Variants in KCTD20 observed in about 807,000 individuals in gnomAD.
The protein encoded by KCTD20 is potassium channel tetramerization domain containing 20.
KCTD20 carries 30 observed loss-of-function variants against 39.6 expected under a neutral mutation model. The ratio of observed to expected loss-of-function variants is 0.76; its 90% confidence interval spans 0.57 to 1.03. The LOEUF is 1.03. KCTD20 is among the 50% of genes least tolerant of loss of function. The probability of loss-of-function intolerance (pLI) is 0.00; values close to 1 mark genes in which losing one functional copy is unlikely to be tolerated. For synonymous variants in KCTD20, 162 were observed against 180.6 expected (o/e 0.90, Z 0.83); for missense variants, 422 against 522.0 (o/e 0.81, Z 1.87).
Position 36,484,889 on chromosome 6 carries a change from C to G in KCTD20, c.967+65C>G, listed in dbSNP as rs990869033. 5 of 905,116 alleles carry G rather than the reference C, an allele frequency of 5.5e-6. No homozygotes were observed. The African/African-American group carries it at 8.4e-5, about 15-fold the overall frequency. 56.1% of individuals were successfully genotyped at this position (905,116 alleles called of 1,614,324 possible). On this transcript the variant is annotated intron_variant, in intron 7 of 7. Coordinates refer to ENST00000373731, the MANE Select transcript of KCTD20 (RefSeq NM_173562.5). ...GGTCTATTGCCACAGCTTACATCCT[C>G]AAAATTTAGCCTCCAGAGGCCTAGA... is the stretch of plus-strand genomic sequence containing the variant.
chr6:36,455,395 A>G (rs1429706600), intron 1 of KCTD20, among the ~76,000 whole-genome samples: 1 of 152,168 alleles, frequency 6.6e-6, no homozygotes, highest in African/African-American at 2.4e-5. Flanking sequence ...GCGACAGAGC[A>G]AGACTCCGTC....
At chr6:36,450,022 G>C (rs1257055856) in intron 1 of KCTD20, among the ~76,000 whole-genome samples, 2 of 151,968 alleles carry the variant, frequency 1.3e-5, no homozygotes, top group African/African-American at 4.8e-5. Flanking sequence ...AAATTAGCTG[G>C]GCGTGGTTGC....
chr6:36,456,603 T>A (rs1004776259), intron 1 of KCTD20, among the ~76,000 whole-genome samples: 1 of 140,092 alleles, frequency 7.1e-6, no homozygotes, highest in African/African-American at 2.7e-5. Flanking sequence ...TTTTTTTTTT[T>A]AAGAGCTGGG....
chr6:36,491,019 C>CA lies in KCTD20; in HGVS notation c.*3848dup, dbSNP rs991439749. On this transcript the variant is annotated 3_prime_UTR_variant, in exon 8 of 8. Coordinates refer to ENST00000373731, the MANE Select transcript of KCTD20 (RefSeq NM_173562.5). ...AGAACATTACATTTTCTTCTGAAGG[C>CA]AAAATGCTTGTAGGTTTTGCCTCTA... The CA allele has an allele frequency of 6.6e-6, 1 of 152,156 alleles. No individual in the cohort carries two copies. The highest frequency in any genetic ancestry group is 1.5e-5 in the Non-Finnish European group (1 of 68,030). 9.4% of individuals were successfully genotyped at this position (152,156 alleles called of 1,614,324 possible).
intron 1 of KCTD20, among the ~76,000 whole-genome samples, chr6:36,448,708 G>A (rs1430836851): frequency 6.6e-6 from 1 of 152,160 alleles, no homozygotes; most frequent in Non-Finnish European, 1.5e-5. Context: ...GTGTCTTTGT[G>A]TCCGGAATTT....
intron 2 of KCTD20, among the ~76,000 whole-genome samples, chr6:36,471,404 G>A (rs2127445588): frequency 6.6e-6 from 1 of 152,296 alleles, no homozygotes; most frequent in East Asian, 1.9e-4. Context: ...CAGCCATCAT[G>A]TCCATATTGT....
At chr6:36,452,296 G>T (rs1775279355) in intron 1 of KCTD20, among the ~76,000 whole-genome samples, 1 of 152,104 alleles carries the variant, frequency 6.6e-6, no homozygotes, top group African/African-American at 2.4e-5. Flanking sequence ...AAATTTGCTA[G>T]TCAAGCCATT....
At chr6:36,459,220 G>C (rs542621176) in intron 1 of KCTD20, among the ~76,000 whole-genome samples, 1 of 152,176 alleles carries the variant, frequency 6.6e-6, no homozygotes, top group South Asian at 2.1e-4. Context: ...GCTGAGGCAG[G>C]AGAATCGCTT....
chr6:36,474,892 A>ACGTTC lies in KCTD20; in HGVS notation c.266_267insTTCCG (p.Asn90SerfsTer32), dbSNP rs1422500766. ...GTTCTTGCTTCCAAAGTGGGAATAAACGGAACCATGAACCTTTTATTGCTC... is the reference window on the plus strand; with the variant it reads ...GTTCTTGCTTCCAAAGTGGGAATAAACGTTCCGGAACCATGAACCTTTTATTGCTC... On this transcript the variant is annotated frameshift_variant, in exon 3 of 8. Transcript: ENST00000373731. LOFTEE classifies it high-confidence loss of function. 1 of 1,614,056 alleles carries ACGTTC rather than the reference A, an allele frequency of 6.2e-7. No homozygotes were observed. Among genetic ancestry groups the ACGTTC allele is most frequent in the African/African-American group, 1.3e-5 (1 of 74,918 alleles).
At chr6:36,462,104 T>G (rs1775618971) in intron 1 of KCTD20, among the ~76,000 whole-genome samples, 1 of 152,180 alleles carries the variant, frequency 6.6e-6, no homozygotes, top group East Asian at 1.9e-4. Flanking sequence ...CCAACTCTCT[T>G]TTGGGTATCT....
intron 6 of KCTD20, 52 bp from the exon 7 acceptor site, chr6:36,484,661 CT>C: frequency 1.2e-6 from 1 of 809,246 alleles, no homozygotes; most frequent in Non-Finnish European, 2.1e-6. Flanking sequence ...TAGCTTCTCT[CT>C]TTCCTCTTAG....
At chr6:36,444,382 G>A (rs1350180774) in intron 1 of KCTD20, among the ~76,000 whole-genome samples, 1 of 152,194 alleles carries the variant, frequency 6.6e-6, no homozygotes, top group Non-Finnish European at 1.5e-5. Flanking sequence ...AAAAGATAGT[G>A]CTTTTTTTGA....
At chr6:36,477,067 A>G (rs545118700) in intron 3 of KCTD20, among the ~76,000 whole-genome samples, 30 of 152,178 alleles carry the variant, frequency 2.0e-4, no homozygotes, top group Non-Finnish European at 3.1e-4. Flanking sequence ...CTTTATCTGT[A>G]TGGTTCATTC....
intron 1 of KCTD20, chr6:36,452,628 C>G (rs1020275333): frequency 2.0e-5 from 3 of 151,432 alleles, no homozygotes; most frequent in Non-Finnish European, 4.4e-5. Context: ...CTGCAACCTC[C>G]GCTTCCCGAA....
At chr6:36,450,982 G>C (rs948308458) in intron 1 of KCTD20, 2 of 150,480 alleles carry the variant, frequency 1.3e-5, no homozygotes, top group African/African-American at 4.9e-5. Flanking sequence ...TCCCACTACT[G>C]ATCAGCACAG....
At chr6:36,482,308 C>T (rs551722280) in intron 6 of KCTD20, among the ~76,000 whole-genome samples, 3 of 152,240 alleles carry the variant, frequency 2.0e-5, no homozygotes, top group Non-Finnish European at 4.4e-5. Context: ...AATCCCAGCA[C>T]TTTGGGAGGC....
At chr6:36,472,945 G>C (rs1471464485) in intron 2 of KCTD20, among the ~76,000 whole-genome samples, 2 of 151,654 alleles carry the variant, frequency 1.3e-5, no homozygotes, top group Non-Finnish European at 2.9e-5. Flanking sequence ...CTGTTGCCTA[G>C]GCTGGAGTGC....
intron 1 of KCTD20, among the ~76,000 whole-genome samples, chr6:36,462,708 A>G (rs1775635511): frequency 6.6e-6 from 1 of 152,132 alleles, no homozygotes; most frequent in South Asian, 2.1e-4. Context: ...TATCTCAACA[A>G]CTAGATTGTA....
chr6:36,483,274 T>C (rs1776315845), intron 6 of KCTD20, among the ~76,000 whole-genome samples: 1 of 147,958 alleles, frequency 6.8e-6, no homozygotes, highest in African/African-American at 2.5e-5. Context: ...TTTTTTTTTT[T>C]TTTTTTTTTT....
Sources: allele counts gnomAD v4.1 joint callset (sites outside exome capture counted in the v4.1 genomes callset), GRCh38; gene constraint gnomAD v4.1.1; transcripts MANE v1.5; gene names NCBI Gene and HGNC (gene_info 2026-07-23, HGNC 2026-07-21).